The following MAPK10 variants were observed in gnomAD, a reference collection of about 807,000 sequenced individuals.
The protein encoded by MAPK10 is JNK3 alpha protein kinase.
Under a neutral mutation model 59.3 loss-of-function variants are expected in MAPK10, and 25 were observed. The ratio of observed to expected loss-of-function variants is 0.42; its 90% confidence interval spans 0.31 to 0.59. The LOEUF is 0.59. MAPK10 is among the 20% of genes least tolerant of loss of function. MAPK10 has a pLI of 0.15. For synonymous variants in MAPK10, 190 were observed against 200.5 expected (o/e 0.95, Z 0.44); for missense variants, 351 against 568.9 (o/e 0.62, Z 3.90).
chr4:86,299,529 C>T (rs1282558031), intron 2 of MAPK10, among the ~76,000 whole-genome samples: 1 of 152,142 alleles, frequency 6.6e-6, no homozygotes, highest in African/African-American at 2.4e-5. Flanking sequence ...TGGAATTTGC[C>T]TGTACCTTGA....
At chr4:86,546,637 G>A (rs1207085141) in intron 1 of MAPK10, among the ~76,000 whole-genome samples, 1 of 151,972 alleles carries the variant, frequency 6.6e-6, no homozygotes, top group Non-Finnish European at 1.5e-5. Context: ...CTGAGTATAG[G>A]TCCTATGTGA....
chr4:86,279,606 T>G (rs2094717560), intron 2 of MAPK10, among the ~76,000 whole-genome samples: 1 of 152,206 alleles, frequency 6.6e-6, no homozygotes, highest in Admixed American at 6.5e-5. Flanking sequence ...GACAGAGTAC[T>G]GTCTTTTACT....
chr4:86,334,769 C>A (rs559894611), intron 2 of MAPK10, among the ~76,000 whole-genome samples: 1 of 149,098 alleles, frequency 6.7e-6, no homozygotes, highest in East Asian at 2.0e-4. Flanking sequence ...AAAAAAAAAA[C>A]TAACTGCAGT....
chr4:86,447,246 G>T (rs1008417950), intron 1 of MAPK10, among the ~76,000 whole-genome samples: 1 of 152,120 alleles, frequency 6.6e-6, no homozygotes, highest in Non-Finnish European at 1.5e-5. Context: ...GTTTTTTAAG[G>T]GGCTCTTCCC....
chr4:86,188,257 T>C (rs761597376), intron 3 of MAPK10, among the ~76,000 whole-genome samples: 9 of 152,204 alleles, frequency 5.9e-5, no homozygotes, highest in Admixed American at 2.0e-4. Context: ...TTTGGATATA[T>C]ACCCAGTAAT....
intron 9 of MAPK10, among the ~76,000 whole-genome samples, chr4:86,083,805 TGAGGA>T (rs2051182501): frequency 6.6e-6 from 1 of 151,904 alleles, no homozygotes; most frequent in African/African-American, 2.4e-5. Context: ...TCCATCCACA[TGAGGA>T]GAGGAAAGGA....
intron 1 of MAPK10, among the ~76,000 whole-genome samples, chr4:86,518,996 A>AT (rs533193801): frequency 2.6e-4 from 40 of 152,046 alleles, no homozygotes; most frequent in African/African-American, 8.4e-4. Context: ...TATAATTTCG[A>AT]TTTTTTTAAT....
At chr4:86,061,442 T>C (rs2045739495) in intron 11 of MAPK10, among the ~76,000 whole-genome samples, 1 of 152,210 alleles carries the variant, frequency 6.6e-6, no homozygotes, top group African/African-American at 2.4e-5. Context: ...ATTTATGTAC[T>C]ATTACTACAC....
chr4:86,094,066 T>C (rs2053760192), intron 9 of MAPK10, among the ~76,000 whole-genome samples: 2 of 151,932 alleles, frequency 1.3e-5, no homozygotes, highest in Non-Finnish European at 2.9e-5. Flanking sequence ...CAAAAGTTTA[T>C]TAGGAATTAA....
chr4:86,167,041 A>T (rs904995920), intron 3 of MAPK10, among the ~76,000 whole-genome samples: 4 of 152,226 alleles, frequency 2.6e-5, no homozygotes, highest in African/African-American at 7.2e-5. Flanking sequence ...TAAAGGGGAT[A>T]TCACCACTGA....
intron 2 of MAPK10, among the ~76,000 whole-genome samples, chr4:86,351,635 A>G (rs1731558734): frequency 6.6e-6 from 1 of 151,964 alleles, no homozygotes; most frequent in African/African-American, 2.4e-5. Flanking sequence ...GGTTCCAACC[A>G]AATCCCCTTC....
intron 1 of MAPK10, among the ~76,000 whole-genome samples, chr4:86,527,299 G>A (rs1456688185): frequency 1.3e-5 from 1 of 76,208 alleles, no homozygotes; most frequent in Non-Finnish European, 2.8e-5. Flanking sequence ...GCAACAGAGT[G>A]AGACACTGTT....
chr4:86,489,386 G>A (rs1312690638), intron 1 of MAPK10, among the ~76,000 whole-genome samples: 3 of 152,010 alleles, frequency 2.0e-5, no homozygotes, highest in Non-Finnish European at 2.9e-5. Context: ...ACTCCCCACC[G>A]AAAGGCTGAT....
intron 2 of MAPK10, among the ~76,000 whole-genome samples, chr4:86,311,672 C>T (rs1238151547): frequency 1.3e-5 from 2 of 152,038 alleles, no homozygotes; most frequent in African/African-American, 2.4e-5. Context: ...TGGTTACAGA[C>T]ATTTGGTTAT....
At chr4:86,258,108 C>G (rs2093829018) in intron 2 of MAPK10, among the ~76,000 whole-genome samples, 1 of 152,164 alleles carries the variant, frequency 6.6e-6, no homozygotes, top group South Asian at 2.1e-4. Flanking sequence ...GAAAATTGGT[C>G]TGCAGTCCTG....
chr4:86,208,575 T>C (rs2084846253), intron 2 of MAPK10, among the ~76,000 whole-genome samples: 1 of 151,840 alleles, frequency 6.6e-6, no homozygotes, highest in Non-Finnish European at 1.5e-5. Flanking sequence ...AATTAGATAT[T>C]GATGGGACGT....
chr4:86,520,009 T>C (rs1756998381), intron 1 of MAPK10, among the ~76,000 whole-genome samples: 1 of 152,210 alleles, frequency 6.6e-6, no homozygotes, highest in Admixed American at 6.5e-5. Context: ...GGTTTTCCTT[T>C]ATAAGTTACC....
At chr4:86,107,477 C>G in intron 4 of MAPK10, 125 bp from the exon 5 acceptor site, 1 of 1,377,938 alleles carries the variant, frequency 7.3e-7, no homozygotes, top group Non-Finnish European at 9.4e-7. Context: ...CTACTCTGGT[C>G]ACATGCCAAT....
intron 1 of MAPK10, among the ~76,000 whole-genome samples, chr4:86,382,039 A>G (rs1740795682): frequency 6.6e-6 from 1 of 152,148 alleles, no homozygotes; most frequent in Non-Finnish European, 1.5e-5. Context: ...GTATTGGGAC[A>G]GGGCTATCCT....
Sources: gnomAD v4.1 joint callset for allele counts (sites outside exome capture counted in the v4.1 genomes callset) on GRCh38, gnomAD v4.1.1 for gene constraint, MANE v1.5 for transcripts, NCBI Gene and HGNC (gene_info 2026-07-23, HGNC 2026-07-21) for gene names.